Variants in VPS13B observed in about 807,000 individuals in gnomAD.
VPS13B encodes the protein intermembrane lipid transfer protein VPS13B.
Under a neutral mutation model 426.4 loss-of-function variants are expected in VPS13B, and 285 were observed. The ratio of observed to expected loss-of-function variants is 0.67; its 90% confidence interval spans 0.61 to 0.74. The LOEUF is 0.74. Among genes scored for constraint, VPS13B ranks in the 30% least tolerant of loss-of-function variants. The probability of loss-of-function intolerance (pLI) is 0.00; values close to 1 mark genes in which losing one functional copy is unlikely to be tolerated. For synonymous variants in VPS13B, 1,676 were observed against 1,676.4 expected, an observed-to-expected ratio of 1.00 and a Z score of 0.01; for missense variants, 4,537 against 4,782.6, an observed-to-expected ratio of 0.95 and a Z score of 1.51.
chr8:99,111,857 G>A (rs931107031), intron 6 of VPS13B, among the ~76,000 whole-genome samples: 1 of 151,966 alleles, frequency 6.6e-6, no homozygotes, highest in Admixed American at 6.6e-5. Context: ...AGGGTATATT[G>A]TGTGATGCTT....
intron 14 of VPS13B, among the ~76,000 whole-genome samples, chr8:99,156,089 C>T (rs1474372096): frequency 4.6e-5 from 7 of 152,128 alleles, no homozygotes; most frequent in Non-Finnish European, 8.8e-5. Flanking sequence ...TTTTTCTTAC[C>T]TGCAAACATT....
intron 42 of VPS13B, among the ~76,000 whole-genome samples, chr8:99,782,898 C>T (rs941504078): frequency 6.6e-6 from 1 of 152,050 alleles, no homozygotes; most frequent in South Asian, 2.1e-4. Flanking sequence ...CTCACTTAGC[C>T]AGAAACTCTT....
At position 99,717,328 on chromosome 8, in the gene VPS13B, A is replaced by G. The variant is rs754014943; in HGVS notation, c.6612A>G (p.Gln2204=). The G allele has an allele frequency of 1.2e-6, 2 of 1,614,084 alleles. No homozygotes were observed. The highest frequency in any genetic ancestry group is 1.1e-5 in the South Asian group (1 of 91,078). Residue 2204 remains glutamine (Q), a synonymous_variant, in exon 37 of 62, where the codon CAA becomes CAG. Coordinates refer to ENST00000357162, the MANE Select transcript of VPS13B (RefSeq NM_152564.5). ...CKHSGNPGPE[Q]SIPKISIDLR... ...ACAGCGGGAATCCAGGCCCAGAACA[A>G]TCCATACCAAAAATATCCATTGACT...
chr8:99,112,758 T>A (rs1847431162), intron 6 of VPS13B, among the ~76,000 whole-genome samples: 1 of 152,164 alleles, frequency 6.6e-6, no homozygotes, highest in Admixed American at 6.5e-5. Context: ...CTCTTTTTGA[T>A]CATTAGTGCA....
chr8:99,293,410 T>G (rs2133051006), intron 19 of VPS13B, among the ~76,000 whole-genome samples: 1 of 103,460 alleles, frequency 9.7e-6, no homozygotes, highest in African/African-American at 3.8e-5. Context: ...ATTAAAGATT[T>G]AAACGTTAGA....
intron 31 of VPS13B, among the ~76,000 whole-genome samples, chr8:99,566,430 T>C (rs1345265884): frequency 1.3e-5 from 2 of 148,304 alleles, no homozygotes; most frequent in African/African-American, 2.5e-5. Flanking sequence ...TTCCCTCCTA[T>C]GGTGTTTTCT....
At chr8:99,308,824 A>G (rs1440997692) in intron 19 of VPS13B, among the ~76,000 whole-genome samples, 1 of 152,122 alleles carries the variant, frequency 6.6e-6, no homozygotes, top group Non-Finnish European at 1.5e-5. Flanking sequence ...CTATTTCTCC[A>G]CATCCTCTCC....
intron 19 of VPS13B, among the ~76,000 whole-genome samples, chr8:99,302,523 T>TA (rs572901050): frequency 6.6e-6 from 1 of 152,212 alleles, no homozygotes; most frequent in South Asian, 2.1e-4. Context: ...TTTTTTTTTT[T>TA]ATTAAAGACA....
chr8:99,354,745 C>A (rs1485022808), intron 19 of VPS13B, among the ~76,000 whole-genome samples: 1 of 152,040 alleles, frequency 6.6e-6, no homozygotes, highest in Non-Finnish European at 1.5e-5. Context: ...TAAAAAATTT[C>A]TTTGTCTCGC....
At chr8:99,812,856 T>A (rs558683282) in intron 44 of VPS13B, among the ~76,000 whole-genome samples, 5 of 152,266 alleles carry the variant, frequency 3.3e-5, no homozygotes, top group African/African-American at 1.2e-4. Context: ...TTGGCACTGA[T>A]CTAATAAGAG....
chr8:99,479,966 A>G (rs868296678), intron 24 of VPS13B, among the ~76,000 whole-genome samples: 3 of 152,174 alleles, frequency 2.0e-5, no homozygotes, highest in Non-Finnish European at 4.4e-5. Context: ...CTTTTTAAAA[A>G]CTGTCAAATC....
intron 14 of VPS13B, among the ~76,000 whole-genome samples, chr8:99,151,812 C>T (rs922260867): frequency 1.5e-4 from 23 of 152,062 alleles, no homozygotes; most frequent in African/African-American, 3.1e-4. Flanking sequence ...GGTTTATAGG[C>T]GTGAGCTACC....
intron 17 of VPS13B, among the ~76,000 whole-genome samples, chr8:99,229,017 G>C (rs1249989954): frequency 6.6e-6 from 1 of 152,088 alleles, no homozygotes; most frequent in East Asian, 1.9e-4. Flanking sequence ...GTTAAAAATG[G>C]CATTTTATTT....
intron 36 of VPS13B, among the ~76,000 whole-genome samples, chr8:99,710,497 A>G (rs78820001): frequency 0.033 from 4,978 of 152,130 alleles, 100 homozygotes; most frequent in East Asian, 0.056. Context: ...GATATTTAGT[A>G]TGTTTCCTGG....
At chr8:99,712,495 T>C (rs1832742630) in intron 36 of VPS13B, among the ~76,000 whole-genome samples, 1 of 152,186 alleles carries the variant, frequency 6.6e-6, no homozygotes, top group Non-Finnish European at 1.5e-5. Flanking sequence ...GTCATTGGAT[T>C]CCGTTGTCAC....
At chr8:99,870,751 A>G (rs777090780) in intron 59 of VPS13B, 34 bp from the exon 60 acceptor site, 20 of 1,596,278 alleles carry the variant, frequency 1.3e-5, no homozygotes, top group Non-Finnish European at 1.6e-5. Context: ...TCCAGAAAAC[A>G]AGTAGTAAAA....
intron 19 of VPS13B, among the ~76,000 whole-genome samples, chr8:99,352,019 A>G (rs1158848269): frequency 1.3e-5 from 2 of 152,204 alleles, no homozygotes; most frequent in African/African-American, 4.8e-5. Flanking sequence ...ATCTTCATAA[A>G]GGTGCTTGGC....
Position 99,502,865 on chromosome 8 carries a change from C to G in VPS13B, c.4072C>G (p.Leu1358Val). The G allele has an allele frequency of 6.2e-7, 1 of 1,613,456 alleles. No individual in the cohort carries two copies. The highest frequency in any genetic ancestry group is 1.1e-5 in the South Asian group (1 of 91,070). ...EVCMVSELEDLSASIDVQDVY... is the reference protein window; with the variant it reads ...EVCMVSELEDVSASIDVQDVY... ...TTGTATGGTCAGTGAACTAGAAGAT[C>G]TCAGTGCTTCCATAGATGTCCAGGA... Residue 1358 changes from leucine (L) to valine (V), a missense_variant, in exon 27 of 62, where the codon CTC (leucine) becomes GTC (valine). Physicochemically the swap from Leu to Val is conservative, Grantham distance 32. Transcript: ENST00000357162.
intron 21 of VPS13B, chr8:99,429,472 T>G (rs1485591437): frequency 6.6e-6 from 1 of 152,182 alleles, no homozygotes; most frequent in Non-Finnish European, 1.5e-5. Flanking sequence ...GTTTATCTAT[T>G]TGCCACCTTA....
Sources: allele counts gnomAD v4.1 joint callset (sites outside exome capture counted in the v4.1 genomes callset), GRCh38; gene constraint gnomAD v4.1.1; transcripts MANE v1.5; gene names NCBI Gene and HGNC (gene_info 2026-07-23, HGNC 2026-07-21).